Variants in LRRC8D observed in about 807,000 individuals in gnomAD.
LRRC8D encodes volume-regulated anion channel subunit LRRC8D.
Under a neutral mutation model 55.8 loss-of-function variants are expected in LRRC8D, and 20 were observed. The ratio of observed to expected loss-of-function variants is 0.36; its 90% CI spans 0.25 to 0.52. LRRC8D has a LOEUF of 0.52. LRRC8D is among the 20% of genes least tolerant of loss of function. The pLI is 0.93. For synonymous variants in LRRC8D, 352 were observed against 377.0 expected (o/e 0.93, Z 0.77); for missense variants, 651 against 1,030.8 (o/e 0.63, Z 5.05).
intron 2 of LRRC8D, among the ~76,000 whole-genome samples, chr1:89,849,449 A>T (rs948094465): frequency 2.6e-5 from 4 of 151,534 alleles, no homozygotes; most frequent in Non-Finnish European, 5.9e-5. Flanking sequence ...AACTGCACAG[A>T]TAGTTGCCAA....
intron 2 of LRRC8D, among the ~76,000 whole-genome samples, chr1:89,920,516 G>A (rs902044311): frequency 6.6e-6 from 1 of 151,694 alleles, no homozygotes; most frequent in Non-Finnish European, 1.5e-5. Flanking sequence ...AACCAAAATA[G>A]CATTAGAAAG....
intron 1 of LRRC8D, chr1:89,821,791 C>G (rs1353052654): frequency 6.6e-6 from 1 of 152,006 alleles, no homozygotes; most frequent in East Asian, 2.0e-4. Context: ...GGGTGGGCTG[C>G]GCTGGGAGCC....
chr1:89,848,589 T>C (rs1661336042), intron 2 of LRRC8D, among the ~76,000 whole-genome samples: 1 of 152,176 alleles, frequency 6.6e-6, no homozygotes, highest in South Asian at 2.1e-4. Context: ...AAGAAATTAC[T>C]TCCTATCTAT....
chr1:89,872,123 A>G (rs1662020162), intron 2 of LRRC8D, among the ~76,000 whole-genome samples: 1 of 152,228 alleles, frequency 6.6e-6, no homozygotes, highest in Admixed American at 6.5e-5. Context: ...TCTGCAACGT[A>G]AATGCAAGTT....
intron 1 of LRRC8D, among the ~76,000 whole-genome samples, chr1:89,836,955 C>T (rs1185221027): frequency 6.6e-6 from 1 of 152,204 alleles, no homozygotes; most frequent in Non-Finnish European, 1.5e-5. Context: ...GCTTTTTCTT[C>T]ATCATACTAG....
At chr1:89,860,029 A>G (rs1382676758) in intron 2 of LRRC8D, among the ~76,000 whole-genome samples, 3 of 152,266 alleles carry the variant, frequency 2.0e-5, no homozygotes, top group Non-Finnish European at 4.4e-5. Context: ...GTGTCAGAAT[A>G]TCTATTTGCC....
chr1:89,899,475 C>G (rs995419284), intron 2 of LRRC8D, among the ~76,000 whole-genome samples: 2 of 152,240 alleles, frequency 1.3e-5, no homozygotes, highest in African/African-American at 4.8e-5. Flanking sequence ...ATAACCAGAT[C>G]AACTTTGTAT....
At chr1:89,923,656 G>C (rs1226082071) in intron 2 of LRRC8D, among the ~76,000 whole-genome samples, 1 of 152,162 alleles carries the variant, frequency 6.6e-6, no homozygotes, top group Non-Finnish European at 1.5e-5. Flanking sequence ...TAAAGCTGGA[G>C]ATATCACATT....
At chr1:89,821,622 C>T (rs952454969) in intron 1 of LRRC8D, among the ~76,000 whole-genome samples, 1 of 152,160 alleles carries the variant, frequency 6.6e-6, no homozygotes, top group Non-Finnish European at 1.5e-5. Context: ...CCTTCTCTCA[C>T]CTCCCTCCGC....
chr1:89,922,711 T>G (rs1044787967), intron 2 of LRRC8D, among the ~76,000 whole-genome samples: 2 of 152,204 alleles, frequency 1.3e-5, no homozygotes, highest in African/African-American at 4.8e-5. Context: ...AAGCAATCAT[T>G]TAAAAACATA....
At chr1:89,924,292 AC>A (rs1336612381) in intron 2 of LRRC8D, among the ~76,000 whole-genome samples, 1 of 152,236 alleles carries the variant, frequency 6.6e-6, no homozygotes, top group African/African-American at 2.4e-5. Flanking sequence ...AAGAAGACAT[AC>A]ATGCAGCCAA....
intron 1 of LRRC8D, among the ~76,000 whole-genome samples, chr1:89,835,497 C>T: frequency 6.6e-6 from 1 of 152,136 alleles, no homozygotes; most frequent in East Asian, 1.9e-4. Context: ...TGGCTCTAAT[C>T]CTTATGCCCC....
intron 2 of LRRC8D, among the ~76,000 whole-genome samples, chr1:89,887,261 G>A (rs777381222): frequency 3.3e-5 from 5 of 151,976 alleles, no homozygotes; most frequent in African/African-American, 9.7e-5. Flanking sequence ...TTTTATTTTC[G>A]TCATTATCAC....
chr1:89,851,163 CA>C, intron 2 of LRRC8D, among the ~76,000 whole-genome samples: 1 of 151,740 alleles, frequency 6.6e-6, no homozygotes, highest in Non-Finnish European at 1.5e-5. Flanking sequence ...TGTGTCACTG[CA>C]AAGGCTTGTC....
intron 2 of LRRC8D, among the ~76,000 whole-genome samples, chr1:89,870,625 G>A (rs577961539): frequency 6.6e-6 from 1 of 152,200 alleles, no homozygotes; most frequent in South Asian, 2.1e-4. Context: ...CATTTAGAAG[G>A]GAAACTCAAT....
chr1:89,925,172 G>A (rs981670385), intron 2 of LRRC8D, among the ~76,000 whole-genome samples: 4 of 152,142 alleles, frequency 2.6e-5, no homozygotes, highest in Non-Finnish European at 5.9e-5. Context: ...TTAGATTCTC[G>A]TAGGAGTGTG....
At chr1:89,921,695 C>T (rs1000274733) in intron 2 of LRRC8D, among the ~76,000 whole-genome samples, 3 of 152,154 alleles carry the variant, frequency 2.0e-5, no homozygotes, top group Non-Finnish European at 4.4e-5. Context: ...CAGGCATCTG[C>T]CACCAAGCCC....
In LRRC8D at chr1:89,933,923, A is replaced by C; in HGVS notation, c.855A>C (p.Lys285Asn). The change falls in exon 3 of 3, where the codon AAA (lysine) becomes AAC (asparagine). Residue 285 changes from lysine to asparagine, a missense_variant. Lys to Asn is a moderately conservative substitution (Grantham distance 94, BLOSUM62 0). Around this residue, in one of 5 missense-constraint regions of LRRC8D, gnomAD observed 178 missense variants for 374.9 expected, o/e 0.47. Coordinates refer to ENST00000337338, the MANE Select transcript of LRRC8D (RefSeq NM_001134479.2). The surrounding 1 kb of genome is among the most constrained non-coding windows in gnomAD (Gnocchi z 7.0). ...ATAAAAAGGATGGAGAGCAGGCCAAAGCCCTGTTTGAGAAAGTGAGGAAGT... is the reference window on the plus strand; with the variant it reads ...ATAAAAAGGATGGAGAGCAGGCCAACGCCCTGTTTGAGAAAGTGAGGAAGT... ...ILDKKDGEQA[K>N]ALFEKVRKFR... is the part of the protein sequence containing the mutation. 1 of 1,614,082 alleles carries C rather than the reference A, an allele frequency of 6.2e-7. No homozygotes were observed. The highest frequency in any genetic ancestry group is 8.5e-7 in the Non-Finnish European group (1 of 1,179,956).
At chr1:89,891,357 C>G (rs896653387) in intron 2 of LRRC8D, among the ~76,000 whole-genome samples, 13 of 152,160 alleles carry the variant, frequency 8.5e-5, no homozygotes, top group African/African-American at 1.4e-4. Context: ...TCAAGATGCA[C>G]GTGATGCTGA....
Sources: allele counts gnomAD v4.1 joint callset (sites outside exome capture counted in the v4.1 genomes callset), GRCh38; gene constraint gnomAD v4.1.1; regional missense constraint gnomAD v4.1.1; non-coding constraint Gnocchi (gnomAD v3.1); transcripts MANE v1.5; gene names NCBI Gene and HGNC (gene_info 2026-07-23, HGNC 2026-07-21).